Variants in COMMD10 observed in about 807,000 individuals in gnomAD.
The protein encoded by COMMD10 is COMM domain containing 10.
In COMMD10, 33 loss-of-function variants were observed where a neutral mutation model predicts 28.9. The ratio of observed to expected loss-of-function variants is 1.14; its 90% CI spans 0.87 to 1.53. COMMD10 has a LOEUF of 1.53. Among genes scored for constraint, COMMD10 ranks in the 40% most tolerant of loss-of-function variants. The pLI, the probability that COMMD10 is intolerant of heterozygous loss-of-function variation, is 0.00. For synonymous variants in COMMD10, 110 were observed against 81.7 expected (o/e 1.35, Z -1.87); for missense variants, 310 against 233.4 (o/e 1.33, Z -2.14).
intron 5 of COMMD10, among the ~76,000 whole-genome samples, chr5:116,257,026 C>T (rs1177258656): frequency 6.6e-6 from 1 of 151,726 alleles, no homozygotes; most frequent in African/African-American, 2.4e-5. Context: ...TCATACTTTA[C>T]CTACAGTGCT....
At chr5:116,122,288 T>A (rs530624566) in intron 4 of COMMD10, among the ~76,000 whole-genome samples, 94 of 152,008 alleles carry the variant, frequency 6.2e-4, no homozygotes, top group Admixed American at 2.2e-3. Context: ...GATCAGATGG[T>A]TGTAGATGTG....
chr5:116,163,995 C>T (rs770368533), intron 5 of COMMD10, among the ~76,000 whole-genome samples: 1 of 152,108 alleles, frequency 6.6e-6, no homozygotes, highest in Non-Finnish European at 1.5e-5. Flanking sequence ...GATGGAAATA[C>T]TTTGTGTAAC....
chr5:116,092,319 G>C (rs1171569674), intron 3 of COMMD10, among the ~76,000 whole-genome samples: 4 of 152,144 alleles, frequency 2.6e-5, no homozygotes, highest in Middle Eastern at 3.2e-3. Flanking sequence ...GCATAGGTAA[G>C]AGTGAGAAAA....
At chr5:116,268,375 C>T (rs1025731712) in intron 5 of COMMD10, among the ~76,000 whole-genome samples, 1 of 151,764 alleles carries the variant, frequency 6.6e-6, no homozygotes, top group Non-Finnish European at 1.5e-5. Flanking sequence ...GGCCATCAGA[C>T]AAATGCAAAT....
intron 5 of COMMD10, among the ~76,000 whole-genome samples, chr5:116,261,647 G>T (rs183627881): frequency 2.0e-5 from 3 of 151,714 alleles, no homozygotes; most frequent in East Asian, 3.9e-4. Flanking sequence ...CCATTTTGTT[G>T]TCCTTATTTT....
intron 5 of COMMD10, among the ~76,000 whole-genome samples, chr5:116,250,615 A>G (rs1008315597): frequency 6.6e-6 from 1 of 151,900 alleles, no homozygotes; most frequent in African/African-American, 2.4e-5. Flanking sequence ...AGAGAGACTT[A>G]CTAGCACTTG....
chr5:116,268,489 T>G (rs1216035650), intron 5 of COMMD10, among the ~76,000 whole-genome samples: 1 of 151,894 alleles, frequency 6.6e-6, no homozygotes, highest in Non-Finnish European at 1.5e-5. Flanking sequence ...AGGAACACTT[T>G]TACACTATTG....
chr5:116,199,994 A>C (rs1051221007), intron 5 of COMMD10, among the ~76,000 whole-genome samples: 1 of 152,066 alleles, frequency 6.6e-6, no homozygotes, highest in African/African-American at 2.4e-5. Context: ...ATTTTTGTGG[A>C]TACATACTAG....
intron 4 of COMMD10, among the ~76,000 whole-genome samples, chr5:116,108,456 C>G (rs1750917496): frequency 6.6e-6 from 1 of 151,676 alleles, no homozygotes; most frequent in Middle Eastern, 3.2e-3. Flanking sequence ...TGGGCTCTGC[C>G]CAGTTCGAAC....
chr5:116,195,386 T>C (rs1748484247), intron 5 of COMMD10, among the ~76,000 whole-genome samples: 1 of 151,990 alleles, frequency 6.6e-6, no homozygotes, highest in Non-Finnish European at 1.5e-5. Context: ...TGTTTGACAA[T>C]ATGATCGTTT....
At chr5:116,251,549 T>G (rs2112674288) in intron 5 of COMMD10, among the ~76,000 whole-genome samples, 1 of 145,564 alleles carries the variant, frequency 6.9e-6, no homozygotes, top group East Asian at 2.0e-4. Context: ...GGTGTTTGGT[T>G]TTTTTGTTCT....
intron 4 of COMMD10, among the ~76,000 whole-genome samples, chr5:116,099,209 A>T (rs1750569097): frequency 6.6e-6 from 1 of 152,224 alleles, no homozygotes; most frequent in Non-Finnish European, 1.5e-5. Flanking sequence ...CGTATAAATT[A>T]GCTCATACAG....
At chr5:116,129,962 G>T (rs1347144924) in intron 4 of COMMD10, among the ~76,000 whole-genome samples, 1 of 150,984 alleles carries the variant, frequency 6.6e-6, no homozygotes, top group East Asian at 1.9e-4. Context: ...AGCTGTGTGT[G>T]TGGGTGTTTG....
At chr5:116,171,823 T>G (rs1753345332) in intron 5 of COMMD10, among the ~76,000 whole-genome samples, 1 of 129,312 alleles carries the variant, frequency 7.7e-6, no homozygotes, top group South Asian at 2.2e-4. Flanking sequence ...CACTGGGGCC[T>G]GTCACGGGTG....
intron 5 of COMMD10, among the ~76,000 whole-genome samples, chr5:116,179,433 C>G (rs1333934478): frequency 6.6e-6 from 1 of 152,076 alleles, no homozygotes; most frequent in Non-Finnish European, 1.5e-5. Context: ...GCCTGGTACT[C>G]TTTCCATTCG....
intron 5 of COMMD10, among the ~76,000 whole-genome samples, chr5:116,158,867 C>T (rs1580502375): frequency 1.3e-5 from 2 of 150,594 alleles, no homozygotes; most frequent in African/African-American, 4.9e-5. Context: ...TTTTTTCCCC[C>T]CCTGAGGTCA....
intron 5 of COMMD10, among the ~76,000 whole-genome samples, chr5:116,218,881 A>T (rs530524295): frequency 1.3e-5 from 2 of 152,130 alleles, no homozygotes; most frequent in Non-Finnish European, 2.9e-5. Context: ...AGACAGTGTT[A>T]TAGATTGAAT....
At chr5:116,187,782 A>T (rs1748190927) in intron 5 of COMMD10, among the ~76,000 whole-genome samples, 1 of 152,182 alleles carries the variant, frequency 6.6e-6, no homozygotes, top group African/African-American at 2.4e-5. Context: ...AAAATTGCTG[A>T]ATTCCAAGTA....
At chr5:116,216,557 G>A (rs1446992317) in intron 5 of COMMD10, among the ~76,000 whole-genome samples, 1 of 152,168 alleles carries the variant, frequency 6.6e-6, no homozygotes, top group Non-Finnish European at 1.5e-5. Flanking sequence ...GTTTGAGACG[G>A]AGTCTTGCTC....
Sources: gnomAD v4.1 joint callset for allele counts (sites outside exome capture counted in the v4.1 genomes callset) on GRCh38, gnomAD v4.1.1 for gene constraint, MANE v1.5 for transcripts, NCBI Gene and HGNC (gene_info 2026-07-23, HGNC 2026-07-21) for gene names.